Variants in GABRB3 observed in about 807,000 individuals in gnomAD.
The protein encoded by GABRB3 is gamma-aminobutyric acid receptor subunit beta-3.
A neutral mutation model predicts 52.1 loss-of-function variants in GABRB3; 14 were observed. The observed-to-expected ratio is 0.27, with a 90% CI of 0.18 to 0.42. The LOEUF is 0.42. GABRB3 is among the 10% of genes least tolerant of loss of function. GABRB3 has a pLI of 1.00. For missense variants in GABRB3, 307 were observed against 609.1 expected, an observed-to-expected ratio of 0.50 and a Z score of 5.22; for synonymous variants, 260 against 232.3, an observed-to-expected ratio of 1.12 and a Z score of -1.08.
intron 3 of GABRB3, among the ~76,000 whole-genome samples, chr15:26,756,966 G>T (rs927688216): frequency 1.3e-5 from 2 of 152,152 alleles, no homozygotes; most frequent in Non-Finnish European, 2.9e-5. Flanking sequence ...AAGGATGATG[G>T]TAGAAACATT....
intron 3 of GABRB3, among the ~76,000 whole-genome samples, chr15:26,691,392 T>G (rs1888583697): frequency 6.6e-6 from 1 of 152,126 alleles, no homozygotes; most frequent in Admixed American, 6.5e-5. Flanking sequence ...TTAGGGGACT[T>G]CACATGGGTG....
chr15:26,603,764 G>A lies in GABRB3; in HGVS notation c.461+17550C>T, dbSNP rs115656692. ...AAGCACTAAAAAAACTAAGATAGAA[G>A]GAACATACCTGAACATAAGAAAAGC... On this transcript the variant is annotated intron_variant, in intron 4 of 8. Transcript: ENST00000311550. Among the ~76,000 whole-genome samples the A allele has an allele frequency of 5.2e-3, 783 of 151,958 alleles. 11 individuals are homozygous for A. The highest frequency in any genetic ancestry group is 0.018 in the African/African-American group (757 of 41,482).
chr15:26,678,133 G>T (rs1229236291), intron 3 of GABRB3, among the ~76,000 whole-genome samples: 1 of 152,160 alleles, frequency 6.6e-6, no homozygotes, highest in Admixed American at 6.5e-5. Flanking sequence ...GGATAGGGCT[G>T]CCCCCAAATG....
chr15:26,705,455 C>G (rs1309094515), intron 3 of GABRB3, among the ~76,000 whole-genome samples: 1 of 152,144 alleles, frequency 6.6e-6, no homozygotes, highest in Non-Finnish European at 1.5e-5. Context: ...TAAACATAGT[C>G]CAGCCCAAAT....
In GABRB3 at chr15:26,545,263, C is replaced by A. The variant is rs947216400; in HGVS notation, c.*2530G>T. ...TATAGTATAGCTAATATGTTAACTT[C>A]ATCGCAGTGTCTACAAAGTTGTGGA... On this transcript the variant is annotated 3_prime_UTR_variant, in exon 9 of 9. Transcript: ENST00000311550. The A allele has an allele frequency of 5.9e-5, 9 of 151,760 alleles. 1 individual carries two copies. Among genetic ancestry groups the A allele is most frequent in the Admixed American group, 5.3e-4 (8 of 15,162 alleles). 9.4% of individuals were successfully genotyped at this position (151,760 alleles called of 1,614,324 possible).
chr15:26,553,550 T>C (rs1889561512), intron 8 of GABRB3: 2 of 152,204 alleles, frequency 1.3e-5, no homozygotes, highest in South Asian at 2.1e-4. Flanking sequence ...GAAAGCATTA[T>C]TTAGCTTTAG....
At chr15:26,700,882 C>T (rs1481497465) in intron 3 of GABRB3, among the ~76,000 whole-genome samples, 3 of 152,104 alleles carry the variant, frequency 2.0e-5, no homozygotes, top group East Asian at 1.9e-4. Flanking sequence ...GGTGAAACCC[C>T]GTCTCTACTA....
At chr15:26,593,637 T>C (rs966329299) in intron 4 of GABRB3, among the ~76,000 whole-genome samples, 41 of 152,172 alleles carry the variant, frequency 2.7e-4, no homozygotes, top group African/African-American at 9.6e-4. Flanking sequence ...TGGTGTAGCA[T>C]GTACAAGAAT....
intron 4 of GABRB3, among the ~76,000 whole-genome samples, chr15:26,587,348 T>C (rs756292452): frequency 6.6e-6 from 1 of 152,186 alleles, no homozygotes. Context: ...GTGAGGCACA[T>C]GAGCTTGCTC....
At chr15:26,579,331 C>T (rs563518458) in intron 6 of GABRB3, among the ~76,000 whole-genome samples, 62 of 152,148 alleles carry the variant, frequency 4.1e-4, no homozygotes, top group Non-Finnish European at 7.5e-4. Flanking sequence ...GCACCCCAGC[C>T]ACTTAATCCA....
At chr15:26,629,152 C>T (rs373708366) in intron 3 of GABRB3, 2 of 1,510,050 alleles carry the variant, frequency 1.3e-6, no homozygotes, top group Non-Finnish European at 1.8e-6. Context: ...GGCGCAGGGG[C>T]GGAGTGTGGG....
At position 26,544,398 on chromosome 15, in the gene GABRB3, A is replaced by C. The variant is rs997717416; in HGVS notation, c.*3395T>G. The C allele has an allele frequency of 6.6e-5, 10 of 152,616 alleles. No individual in the cohort carries two copies. The highest frequency in any genetic ancestry group is 2.4e-4 in the African/African-American group (10 of 41,448). 9.5% of individuals were successfully genotyped at this position (152,616 alleles called of 1,614,324 possible). On this transcript the variant is annotated 3_prime_UTR_variant, in exon 9 of 9. Transcript: ENST00000311550. ...TGTCAACGCTGTGTTTGGACAAGAG[A>C]GAAGTGCCTTTCAGGGAGTGACTGA...
At chr15:26,555,141 G>A (rs771616390) in intron 8 of GABRB3, among the ~76,000 whole-genome samples, 48 of 152,086 alleles carry the variant, frequency 3.2e-4, no homozygotes, top group Admixed American at 7.2e-4. Context: ...CTGAGATCGC[G>A]CCACTGCACT....
chr15:26,725,575 T>C (rs537058697), intron 3 of GABRB3, among the ~76,000 whole-genome samples: 12 of 152,354 alleles, frequency 7.9e-5, no homozygotes, highest in African/African-American at 2.6e-4. Flanking sequence ...AATTCTGCAC[T>C]TTGAAATGAT....
intron 3 of GABRB3, among the ~76,000 whole-genome samples, chr15:26,755,699 A>G (rs1890641935): frequency 6.6e-6 from 1 of 152,240 alleles, no homozygotes; most frequent in South Asian, 2.1e-4. Context: ...ATGGGAGCCC[A>G]AAGTGAAAGA....
chr15:26,744,663 T>C (rs1444349073), intron 3 of GABRB3, among the ~76,000 whole-genome samples: 1 of 152,132 alleles, frequency 6.6e-6, no homozygotes, highest in East Asian at 1.9e-4. Flanking sequence ...TGACCTCAGG[T>C]GATCTGCCCA....
chr15:26,588,452 G>T (rs1249218392), intron 4 of GABRB3, among the ~76,000 whole-genome samples: 4 of 152,200 alleles, frequency 2.6e-5, no homozygotes, highest in Non-Finnish European at 4.4e-5. Flanking sequence ...CCAAGGTTTG[G>T]AAAGAGTAAG....
chr15:26,691,577 A>G (rs1209570029), intron 3 of GABRB3, among the ~76,000 whole-genome samples: 1 of 152,212 alleles, frequency 6.6e-6, no homozygotes, highest in Admixed American at 6.5e-5. Context: ...CAGGTTCTTC[A>G]GGGAAGGGAA....
intron 4 of GABRB3, among the ~76,000 whole-genome samples, chr15:26,616,376 G>C (rs1892257309): frequency 6.6e-6 from 1 of 152,106 alleles, no homozygotes; most frequent in Non-Finnish European, 1.5e-5. Flanking sequence ...TCAATCTCTA[G>C]AGCTACATGT....
Sources: gnomAD v4.1 joint callset for allele counts (sites outside exome capture counted in the v4.1 genomes callset) on GRCh38, gnomAD v4.1.1 for gene constraint, MANE v1.5 for transcripts, NCBI Gene and HGNC (gene_info 2026-07-23, HGNC 2026-07-21) for gene names.